The following CRPPA variants were observed in gnomAD, a reference collection of about 807,000 sequenced individuals.
The protein encoded by CRPPA is CDP-L-ribitol pyrophosphorylase A.
CRPPA carries 43 observed loss-of-function variants against 52.0 expected under a neutral mutation model. That is an observed-to-expected ratio of 0.83 (90% CI 0.65 to 1.07). The LOEUF (loss-of-function observed/expected upper bound fraction) is 1.07, where lower values mean the gene tolerates loss of function less well. CRPPA is among the 50% of genes least tolerant of loss of function. CRPPA has a pLI of 0.00. For missense variants in CRPPA, 629 were observed against 551.7 expected, an observed-to-expected ratio of 1.14 and a Z score of -1.40; for synonymous variants, 250 against 203.5, an observed-to-expected ratio of 1.23 and a Z score of -1.94.
At chr7:16,261,217 G>T (rs1047721724) in intron 6 of CRPPA, among the ~76,000 whole-genome samples, 1 of 152,060 alleles carries the variant, frequency 6.6e-6, no homozygotes, top group Non-Finnish European at 1.5e-5. Flanking sequence ...AACCAAAAGT[G>T]TTGCTAAATT....
At chr7:16,398,436 C>T (rs538424241) in intron 2 of CRPPA, among the ~76,000 whole-genome samples, 15 of 151,740 alleles carry the variant, frequency 9.9e-5, no homozygotes, top group South Asian at 2.1e-4. Context: ...TTGACGTGAC[C>T]GAGGTTTGTG....
chr7:16,400,835 T>C lies in CRPPA; in HGVS notation c.534+5226A>G, dbSNP rs1787797641. 2.0e-5 allele frequency among the ~76,000 whole-genome samples: 3 copies of C among 152,336 alleles called. No homozygotes were observed. The South Asian group carries it at 6.2e-4, about 32-fold the overall frequency. On this transcript the variant is annotated intron_variant, in intron 2 of 9. Transcript: ENST00000407010. ...GACACGTGTGTGACATTTATAAAAG[T>C]TATACCTTTGTAATTACAGTTTTAA...
intron 5 of CRPPA, among the ~76,000 whole-genome samples, chr7:16,281,268 C>A (rs1018375578): frequency 5.9e-5 from 9 of 151,818 alleles, no homozygotes; most frequent in Non-Finnish European, 1.2e-4. Flanking sequence ...AGTGCAGACC[C>A]CTTTCATCTT....
intron 9 of CRPPA, among the ~76,000 whole-genome samples, chr7:16,161,530 A>G (rs1317181363): frequency 6.6e-6 from 1 of 152,238 alleles, no homozygotes; most frequent in Non-Finnish European, 1.5e-5. Flanking sequence ...CCCAGGGATG[A>G]AGCCAACTTG....
intron 8 of CRPPA, 146 bp from the exon 9 acceptor site, chr7:16,216,343 A>G (rs1317189746): frequency 1.1e-5 from 6 of 535,650 alleles, no homozygotes; most frequent in Middle Eastern, 4.8e-4. Context: ...TTATGCTTCA[A>G]GCCATACTTA....
At chr7:16,205,137 T>G (rs373128857) in intron 9 of CRPPA, among the ~76,000 whole-genome samples, 1 of 152,206 alleles carries the variant, frequency 6.6e-6, no homozygotes, top group Admixed American at 6.5e-5. Flanking sequence ...CCATTACTTA[T>G]GTTCTTGAAT....
intron 3 of CRPPA, among the ~76,000 whole-genome samples, chr7:16,366,833 G>A (rs1054518138): frequency 1.3e-5 from 2 of 148,490 alleles, no homozygotes; most frequent in African/African-American, 5.0e-5. Context: ...CAAATAGGAA[G>A]ACGCATGACC....
At chr7:16,327,661 A>G (rs916077676) in intron 3 of CRPPA, among the ~76,000 whole-genome samples, 2 of 151,792 alleles carry the variant, frequency 1.3e-5, no homozygotes, top group African/African-American at 4.8e-5. Flanking sequence ...TCAAGGAGAT[A>G]CACATGCTCT....
intron 3 of CRPPA, among the ~76,000 whole-genome samples, chr7:16,327,302 T>A (rs1354807489): frequency 6.6e-6 from 1 of 151,690 alleles, no homozygotes; most frequent in Non-Finnish European, 1.5e-5. Context: ...AGGTAAAGAG[T>A]AAATCCAAGG....
chr7:16,285,312 T>C (rs1196597853), intron 5 of CRPPA, among the ~76,000 whole-genome samples: 3 of 152,114 alleles, frequency 2.0e-5, no homozygotes, highest in African/African-American at 7.2e-5. Context: ...TATAAATTAT[T>C]TAGATTTAAC....
intron 2 of CRPPA, among the ~76,000 whole-genome samples, chr7:16,390,115 C>T (rs1719383546): frequency 6.6e-6 from 1 of 151,390 alleles, no homozygotes; most frequent in African/African-American, 2.4e-5. Flanking sequence ...CTTCTAATGG[C>T]CAATGTCTCT....
chr7:16,409,182 G>C (rs915397877), intron 1 of CRPPA, among the ~76,000 whole-genome samples: 1 of 152,174 alleles, frequency 6.6e-6, no homozygotes, highest in Non-Finnish European at 1.5e-5. Flanking sequence ...AATTATAGAA[G>C]TGAACCCCAT....
intron 9 of CRPPA, among the ~76,000 whole-genome samples, chr7:16,212,068 AC>A (rs1362086888): frequency 6.6e-6 from 1 of 152,142 alleles, no homozygotes; most frequent in African/African-American, 2.4e-5. Flanking sequence ...TTTTAAAAAA[AC>A]AAAAATGTAG....
intron 2 of CRPPA, among the ~76,000 whole-genome samples, chr7:16,397,259 A>G (rs1280605192): frequency 1.3e-5 from 2 of 152,258 alleles, no homozygotes; most frequent in Non-Finnish European, 2.9e-5. Flanking sequence ...TGTACACATG[A>G]CCAACACAAC....
chr7:16,290,913 T>C (rs1784550967), intron 5 of CRPPA, among the ~76,000 whole-genome samples: 1 of 151,666 alleles, frequency 6.6e-6, no homozygotes, highest in Admixed American at 6.6e-5. Flanking sequence ...ATTTAGCATA[T>C]ACAAGGAACT....
At chr7:16,177,121 G>C (rs887266985) in intron 9 of CRPPA, among the ~76,000 whole-genome samples, 3 of 152,044 alleles carry the variant, frequency 2.0e-5, no homozygotes, top group South Asian at 4.1e-4. Context: ...TGACAGAAGA[G>C]AAATCAATAG....
chr7:16,197,409 C>T (rs535098531), intron 9 of CRPPA, among the ~76,000 whole-genome samples: 1 of 152,206 alleles, frequency 6.6e-6, no homozygotes, highest in East Asian at 1.9e-4. Context: ...TCAATCATGG[C>T]TTACTGCAGC....
chr7:16,310,616 A>T (rs1423913523), intron 3 of CRPPA, among the ~76,000 whole-genome samples: 1 of 152,176 alleles, frequency 6.6e-6, no homozygotes, highest in African/African-American at 2.4e-5. Flanking sequence ...CGTGTGACTC[A>T]TCGACAAAGT....
At chr7:16,407,304 C>T (rs1787977990) in intron 1 of CRPPA, among the ~76,000 whole-genome samples, 1 of 152,108 alleles carries the variant, frequency 6.6e-6, no homozygotes, top group Non-Finnish European at 1.5e-5. Flanking sequence ...GAGGGACCTA[C>T]TGACATACTA....
Sources: allele counts gnomAD v4.1 joint callset (sites outside exome capture counted in the v4.1 genomes callset), GRCh38; gene constraint gnomAD v4.1.1; transcripts MANE v1.5; gene names NCBI Gene and HGNC (gene_info 2026-07-23, HGNC 2026-07-21).